The following EPHA6 variants were observed in gnomAD, a reference collection of about 807,000 sequenced individuals.
The protein encoded by EPHA6 is EPH receptor A6, also known as ephrin type-A receptor 6.
In EPHA6, 50 loss-of-function variants were observed where a neutral mutation model predicts 112.0. The ratio of observed to expected loss-of-function variants is 0.45; its 90% CI spans 0.36 to 0.56. The LOEUF (loss-of-function observed/expected upper bound fraction) is 0.56, where lower values mean the gene tolerates loss of function less well. Ranked by LOEUF, EPHA6 falls within the 20% of genes least tolerant of loss-of-function variation. The pLI is 0.00. For synonymous variants in EPHA6, 529 were observed against 490.7 expected, an observed-to-expected ratio of 1.08 and a Z score of -1.03; for missense variants, 1,280 against 1,417.4, an observed-to-expected ratio of 0.90 and a Z score of 1.56.
At chr3:96,914,423 T>A (rs1040581890) in intron 2 of EPHA6, among the ~76,000 whole-genome samples, 2 of 152,184 alleles carry the variant, frequency 1.3e-5, no homozygotes, top group Non-Finnish European at 2.9e-5. Context: ...CCTTTGTAAA[T>A]AGCACCCACA....
intron 2 of EPHA6, among the ~76,000 whole-genome samples, chr3:96,944,306 G>A (rs2041137931): frequency 6.6e-6 from 1 of 151,072 alleles, no homozygotes; most frequent in Admixed American, 6.6e-5. Flanking sequence ...TTAAACAATT[G>A]TATCACTTAT....
intron 3 of EPHA6, among the ~76,000 whole-genome samples, chr3:97,084,332 AAC>A (rs532027070): frequency 1.3e-5 from 2 of 150,426 alleles, no homozygotes; most frequent in Admixed American, 6.6e-5. Context: ...TAGCCCTTAT[AAC>A]ACACACACAC....
chr3:97,147,622 G>A (rs1226427720), intron 3 of EPHA6, among the ~76,000 whole-genome samples: 5 of 152,074 alleles, frequency 3.3e-5, no homozygotes, highest in Non-Finnish European at 7.4e-5. Context: ...ATTTAATTGA[G>A]TGATTAGTGG....
At chr3:96,953,433 A>G (rs1378062892) in intron 2 of EPHA6, among the ~76,000 whole-genome samples, 2 of 152,204 alleles carry the variant, frequency 1.3e-5, no homozygotes, top group Non-Finnish European at 2.9e-5. Context: ...GAATTTTAAA[A>G]TTACACAAAT....
At chr3:97,612,317 C>G (rs921834540) in intron 13 of EPHA6, 2 of 360,552 alleles carry the variant, frequency 5.5e-6, no homozygotes, top group African/African-American at 4.3e-5. Flanking sequence ...GACTCATCAT[C>G]TAATGATGCT....
In EPHA6 at chr3:97,713,511, GTTA is replaced by G. The variant is rs1162750799; in HGVS notation, c.2785-6746_2785-6744del. Among the ~76,000 whole-genome samples, 3 of 152,080 alleles carry G rather than the reference GTTA, an allele frequency of 2.0e-5. No homozygotes were observed. In the East Asian group the frequency reaches 5.8e-4, roughly 29 times the overall value. On this transcript the variant is annotated intron_variant, in intron 14 of 17. Transcript: ENST00000389672. ...AGTGCTTATCAGCTTATAAAAATTGGTTATTAAGAACCAATATTTTAAAAATAC... is the reference window on the plus strand; with the variant it reads ...AGTGCTTATCAGCTTATAAAAATTGGTTAAGAACCAATATTTTAAAAATAC...
At chr3:97,178,363 C>T (rs932010398) in intron 3 of EPHA6, among the ~76,000 whole-genome samples, 2 of 152,032 alleles carry the variant, frequency 1.3e-5, no homozygotes, top group African/African-American at 4.8e-5. Context: ...AGTCTTTCTG[C>T]ATAGATAAGA....
At chr3:97,730,005 T>C (rs994541460) in intron 15 of EPHA6, among the ~76,000 whole-genome samples, 6 of 152,112 alleles carry the variant, frequency 3.9e-5, no homozygotes, top group African/African-American at 1.4e-4. Flanking sequence ...AGACAGTTTC[T>C]TTTTAAAAGA....
In EPHA6 at chr3:97,043,403, A is replaced by C. The variant is rs1004718744; in HGVS notation, c.1114+55410A>C. Among the ~76,000 whole-genome samples, 5 of 152,188 alleles carry C rather than the reference A, an allele frequency of 3.3e-5. No individual in the cohort carries two copies. The East Asian group carries it at 9.6e-4, about 29-fold the overall frequency. On this transcript the variant is annotated intron_variant, in intron 3 of 17. Transcript: ENST00000389672. ...AGGTACCTTAATCCTCTGAGCAGGA[A>C]TATAATGGACACTTGGAAAACATCA... is the stretch of plus-strand genomic sequence containing the variant.
chr3:97,218,108 C>G (rs1161880306), intron 3 of EPHA6, among the ~76,000 whole-genome samples: 1 of 151,960 alleles, frequency 6.6e-6, no homozygotes, highest in Admixed American at 6.6e-5. Flanking sequence ...CCCCTCTCTA[C>G]AAAAAATACA....
chr3:97,109,936 A>T (rs2047674647), intron 3 of EPHA6, among the ~76,000 whole-genome samples: 1 of 152,152 alleles, frequency 6.6e-6, no homozygotes, highest in South Asian at 2.1e-4. Context: ...GGGCTGGGTT[A>T]TATGGGAGGC....
At chr3:97,719,100 A>ACCCCCCCCCCCCCCC (rs1292008850) in intron 14 of EPHA6, among the ~76,000 whole-genome samples, 1 of 16,270 alleles carries the variant, frequency 6.1e-5, no homozygotes, top group Non-Finnish European at 1.3e-4. Context: ...CCCCCCCCCC[A>ACCCCCCCCCCCCCCC]CCCCCCCCGC....
chr3:97,319,786 T>C (rs1239354167), intron 5 of EPHA6, among the ~76,000 whole-genome samples: 6 of 151,844 alleles, frequency 4.0e-5, no homozygotes, highest in Admixed American at 3.3e-4. Flanking sequence ...AGTATTTCTA[T>C]ATCCCGAGCT....
At chr3:97,251,187 C>A (rs1229060914) in intron 5 of EPHA6, among the ~76,000 whole-genome samples, 1 of 151,796 alleles carries the variant, frequency 6.6e-6, no homozygotes, top group African/African-American at 2.4e-5. Flanking sequence ...TTTCTAAAAG[C>A]CTCTTTGAAG....
At chr3:97,054,034 C>T (rs543316524) in intron 3 of EPHA6, among the ~76,000 whole-genome samples, 7 of 152,080 alleles carry the variant, frequency 4.6e-5, no homozygotes, top group South Asian at 2.1e-4. Context: ...CTGCCTTTGG[C>T]GTCATTCATG....
At chr3:96,936,068 C>A (rs944823989) in intron 2 of EPHA6, among the ~76,000 whole-genome samples, 3 of 152,024 alleles carry the variant, frequency 2.0e-5, no homozygotes, top group African/African-American at 7.2e-5. Context: ...ACTGAAGAGA[C>A]CACCTCACCA....
At chr3:97,603,615 C>G (rs1296413280) in intron 12 of EPHA6, among the ~76,000 whole-genome samples, 1 of 151,694 alleles carries the variant, frequency 6.6e-6, no homozygotes, top group Non-Finnish European at 1.5e-5. Flanking sequence ...CTAGATTAAC[C>G]ATAAAACATG....
chr3:96,904,765 T>C (rs2038836104), intron 2 of EPHA6, among the ~76,000 whole-genome samples: 1 of 152,116 alleles, frequency 6.6e-6, no homozygotes, highest in Admixed American at 6.6e-5. Context: ...TGTATAGATA[T>C]TCGTCACAAT....
At chr3:97,225,483 T>G (rs1279545503) in intron 3 of EPHA6, among the ~76,000 whole-genome samples, 1 of 152,212 alleles carries the variant, frequency 6.6e-6, no homozygotes, top group East Asian at 1.9e-4. Context: ...ATATTATTTA[T>G]GTATTCTGAA....
Sources: allele counts gnomAD v4.1 joint callset (sites outside exome capture counted in the v4.1 genomes callset), GRCh38; gene constraint gnomAD v4.1.1; transcripts MANE v1.5; gene names NCBI Gene and HGNC (gene_info 2026-07-23, HGNC 2026-07-21).